The following ESR1 variants were observed in gnomAD, a reference collection of about 807,000 sequenced individuals.
ESR1 encodes the protein estrogen receptor 1, also known as estrogen receptor.
In ESR1, 12 loss-of-function variants were observed where a neutral mutation model predicts 52.7. The observed-to-expected ratio is 0.23, with a 90% confidence interval of 0.15 to 0.37. The LOEUF (loss-of-function observed/expected upper bound fraction) is 0.37. ESR1 is among the 10% of genes least tolerant of loss of function. ESR1 has a pLI of 1.00. For missense variants in ESR1, 584 were observed against 779.7 expected (o/e 0.75, Z 2.99); for synonymous variants, 305 against 316.8 (o/e 0.96, Z 0.39).
In ESR1 at chr6:152,127,015, T is replaced by C. The variant is rs577381065; in HGVS notation, c.*1667T>C. On this transcript the variant is annotated 3_prime_UTR_variant, in exon 7 of 7. Coordinates refer to the ESR1 transcript ENST00000427531. ...GTCCGTGATCTTGATCCTGCCCTTA[T>C]GTGTCTTGTCTTTGAAACCCAGTGT... 2.0e-5 allele frequency: 3 copies of C among 152,358 alleles called. No individual in the cohort carries two copies. In the East Asian group the frequency reaches 5.8e-4, roughly 29 times the overall value. The allele number at this position is 152,358 out of a possible 1,614,324, so 9.4% of individuals were successfully genotyped here.
intron 1 of ESR1, among the ~76,000 whole-genome samples, chr6:151,672,637 A>AT (rs1238717748): frequency 1.4e-5 from 2 of 139,100 alleles, no homozygotes; most frequent in African/African-American, 2.8e-5. Context: ...GCGCCAGGTC[A>AT]TTTTTTTGTA....
chr6:151,720,844 A>G (rs1447858827), intron 2 of ESR1, among the ~76,000 whole-genome samples: 1 of 152,248 alleles, frequency 6.6e-6, no homozygotes, highest in African/African-American at 2.4e-5. Context: ...TTGTAAGGAC[A>G]TAATGCACTT....
intron 5 of ESR1, among the ~76,000 whole-genome samples, chr6:152,019,254 C>G (rs1320130242): frequency 6.6e-6 from 1 of 152,094 alleles, no homozygotes; most frequent in Non-Finnish European, 1.5e-5. Context: ...TGAACTATAT[C>G]TCAAAAAAGG....
At chr6:151,875,279 A>G (rs1288084307) in intron 2 of ESR1, among the ~76,000 whole-genome samples, 3 of 152,032 alleles carry the variant, frequency 2.0e-5, no homozygotes, top group Admixed American at 2.0e-4. Flanking sequence ...TGTGGATTTG[A>G]GTTTTGGGGT....
At chr6:151,794,300 C>T (rs961317955) in intron 2 of ESR1, among the ~76,000 whole-genome samples, 3 of 151,960 alleles carry the variant, frequency 2.0e-5, no homozygotes, top group Non-Finnish European at 2.9e-5. Context: ...TTGTATTTAT[C>T]GATGACATAA....
intron 5 of ESR1, among the ~76,000 whole-genome samples, chr6:152,037,556 G>A (rs557549883): frequency 5.3e-5 from 8 of 152,164 alleles, no homozygotes; most frequent in Admixed American, 1.3e-4. Context: ...CCTAAACTGC[G>A]TTGTTTTTTA....
intron 4 of ESR1, 109 bp from the exon 5 acceptor site, chr6:152,011,547 C>A (rs983146363): frequency 1.1e-5 from 13 of 1,203,318 alleles, no homozygotes; most frequent in Non-Finnish European, 1.6e-5. Flanking sequence ...TGCATTTACT[C>A]CATCTAGTAG....
intron 1 of ESR1, among the ~76,000 whole-genome samples, chr6:151,683,397 A>G (rs939109579): frequency 9.9e-5 from 15 of 150,754 alleles, no homozygotes; most frequent in African/African-American, 3.7e-4. Flanking sequence ...TGATAGAGGG[A>G]TGTGGATTGG....
chr6:151,825,059 G>T (rs191718360), intron 1 of ESR1, among the ~76,000 whole-genome samples: 4 of 152,148 alleles, frequency 2.6e-5, no homozygotes, highest in Non-Finnish European at 5.9e-5. Context: ...TTTTTAATTG[G>T]ATTTCAGAAA....
intron 4 of ESR1, among the ~76,000 whole-genome samples, chr6:151,981,530 G>A (rs1261666282): frequency 6.6e-6 from 1 of 152,144 alleles, no homozygotes; most frequent in Non-Finnish European, 1.5e-5. Context: ...TTTTTCTTCT[G>A]ATGGATGCTG....
chr6:151,878,202 G>C (rs1038329318), intron 2 of ESR1, among the ~76,000 whole-genome samples: 2 of 152,060 alleles, frequency 1.3e-5, no homozygotes, highest in African/African-American at 4.8e-5. Flanking sequence ...GTTTCTTTAG[G>C]GTATCAGAAG....
At position 151,667,254 on chromosome 6, in the gene ESR1, T is replaced by C. The variant is rs535889339; in HGVS notation, n.73+10491T>C. Among the ~76,000 whole-genome samples the C allele has an allele frequency of 2.0e-5, 3 of 152,364 alleles. No homozygotes were observed. The South Asian group carries it at 6.2e-4, about 32-fold the overall frequency. On this transcript the variant is annotated intron_variant and non_coding_transcript_variant, in intron 1 of 2. Transcript: ENST00000473497. Reference sequence around the variant, plus strand: ...ACATATCAGAACACTTGTCATTTTATTAAAAATTGTTTTTTATTAGTTTCT... The same window carrying C: ...ACATATCAGAACACTTGTCATTTTACTAAAAATTGTTTTTTATTAGTTTCT...
At chr6:151,694,058 G>C in intron 1 of ESR1, among the ~76,000 whole-genome samples, 1 of 152,330 alleles carries the variant, frequency 6.6e-6, no homozygotes, top group African/African-American at 2.4e-5. Context: ...TACTTTGTGC[G>C]ATGCTTTTTA....
chr6:152,031,454 G>T (rs1331119077), intron 5 of ESR1, among the ~76,000 whole-genome samples: 1 of 152,062 alleles, frequency 6.6e-6, no homozygotes, highest in Non-Finnish European at 1.5e-5. Flanking sequence ...TGATAAAGGG[G>T]ATATCACCAC....
chr6:151,944,598 C>G, intron 4 of ESR1, 90 bp downstream of exon 4: 2 of 1,161,606 alleles, frequency 1.7e-6, no homozygotes, highest in Middle Eastern at 2.5e-4. Flanking sequence ...GAAAAAGAAG[C>G]AATAACATGT....
chr6:151,777,209 C>A (rs9479114), intron 2 of ESR1, among the ~76,000 whole-genome samples: 3 of 146,594 alleles, frequency 2.0e-5, no homozygotes, highest in African/African-American at 5.0e-5. Context: ...CCTCTGCCTC[C>A]CTGGTTCAAG....
chr6:151,671,886 G>A (rs1778074725), intron 1 of ESR1, among the ~76,000 whole-genome samples: 1 of 152,130 alleles, frequency 6.6e-6, no homozygotes, highest in African/African-American at 2.4e-5. Context: ...CAGCTACATG[G>A]GAGGCTGAGA....
chr6:151,933,788 C>A (rs547790902), intron 3 of ESR1, among the ~76,000 whole-genome samples: 1 of 152,260 alleles, frequency 6.6e-6, no homozygotes, highest in East Asian at 1.9e-4. Context: ...ATTCCACATC[C>A]AATCCATCAG....
At chr6:151,717,230 T>C (rs751542791) in intron 2 of ESR1, among the ~76,000 whole-genome samples, 2 of 152,186 alleles carry the variant, frequency 1.3e-5, no homozygotes, top group Non-Finnish European at 2.9e-5. Flanking sequence ...GGTACCTCAG[T>C]TGGAAATGCA....
Sources: gnomAD v4.1 joint callset for allele counts (sites outside exome capture counted in the v4.1 genomes callset) on GRCh38, gnomAD v4.1.1 for gene constraint, MANE v1.5 for transcripts, NCBI Gene and HGNC (gene_info 2026-07-23, HGNC 2026-07-21) for gene names.